TSHZ2: variants seen among roughly 807,000 people sequenced by gnomAD.
TSHZ2 encodes the protein teashirt zinc finger homeobox 2, also known as teashirt homolog 2.
Under a neutral mutation model 74.4 loss-of-function variants are expected in TSHZ2, and 21 were observed. The ratio of observed to expected loss-of-function variants is 0.28; its 90% CI spans 0.20 to 0.41. The LOEUF is 0.41. Ranked by LOEUF, TSHZ2 falls within the 10% of genes least tolerant of loss-of-function variation. TSHZ2 has a pLI of 1.00. For missense variants in TSHZ2, 1,244 were observed against 1,293.5 expected (o/e 0.96, Z 0.59); for synonymous variants, 540 against 515.3 (o/e 1.05, Z -0.65).
intron 1 of TSHZ2, among the ~76,000 whole-genome samples, chr20:53,033,585 C>T (rs950151152): frequency 1.3e-5 from 2 of 148,410 alleles, no homozygotes; most frequent in African/African-American, 2.5e-5. Context: ...ATAGAAGGTG[C>T]TCAATAATTG....
intron 2 of TSHZ2, among the ~76,000 whole-genome samples, chr20:53,390,502 C>G (rs776327795): frequency 1.3e-5 from 2 of 152,198 alleles, no homozygotes; most frequent in African/African-American, 2.4e-5. Context: ...ACTATTATTA[C>G]AACAAACAAT....
At chr20:53,118,084 T>A (rs1986717239) in intron 1 of TSHZ2, among the ~76,000 whole-genome samples, 1 of 152,190 alleles carries the variant, frequency 6.6e-6, no homozygotes, top group Admixed American at 6.5e-5. Context: ...CACTGTTTGA[T>A]CGGCATGCTT....
At chr20:53,458,112 T>G (rs919268576) in intron 2 of TSHZ2, among the ~76,000 whole-genome samples, 2 of 151,944 alleles carry the variant, frequency 1.3e-5, no homozygotes, top group African/African-American at 4.8e-5. Flanking sequence ...TTCTATTGAT[T>G]GGAATAGTTT....
At chr20:53,143,677 G>A (rs891122155) in intron 1 of TSHZ2, among the ~76,000 whole-genome samples, 11 of 152,094 alleles carry the variant, frequency 7.2e-5, no homozygotes, top group Non-Finnish European at 1.0e-4. Flanking sequence ...GGGCAACAGA[G>A]CAAGACTCCG....
intron 1 of TSHZ2, among the ~76,000 whole-genome samples, chr20:53,008,836 A>G (rs28579761): frequency 0.036 from 5,495 of 152,254 alleles, 306 homozygotes; most frequent in African/African-American, 0.12. Flanking sequence ...ACCAAGTCTT[A>G]TACATATTAT....
intron 1 of TSHZ2, among the ~76,000 whole-genome samples, chr20:53,136,420 C>A (rs1318831773): frequency 6.6e-6 from 1 of 150,868 alleles, no homozygotes; most frequent in East Asian, 1.9e-4. Flanking sequence ...TTTGAGCTTA[C>A]ATGGCAGATG....
chr20:53,295,111 A>C (rs1335169254), intron 2 of TSHZ2, among the ~76,000 whole-genome samples: 1 of 152,164 alleles, frequency 6.6e-6, no homozygotes, highest in Non-Finnish European at 1.5e-5. Flanking sequence ...TCCATTTACA[A>C]ACAGAAATGT....
chr20:53,178,939 A>G (rs1044846629), intron 1 of TSHZ2: 1 of 152,222 alleles, frequency 6.6e-6, no homozygotes, highest in Non-Finnish European at 1.5e-5. Context: ...AAGTTTTCAT[A>G]AGCACTTTGC....
chr20:53,240,836 C>G (rs1174055169), intron 1 of TSHZ2, among the ~76,000 whole-genome samples: 5 of 151,742 alleles, frequency 3.3e-5, no homozygotes, highest in Non-Finnish European at 5.9e-5. Context: ...AAACTAACAT[C>G]AGAATAATTA....
At chr20:53,020,566 C>T (rs535672800) in intron 1 of TSHZ2, among the ~76,000 whole-genome samples, 86 of 152,284 alleles carry the variant, frequency 5.6e-4, no homozygotes, top group African/African-American at 2.0e-3. Context: ...GGTCTTGGCT[C>T]TTGAAATACT....
chr20:53,118,797 A>G (rs938625175), intron 1 of TSHZ2, among the ~76,000 whole-genome samples: 1 of 152,144 alleles, frequency 6.6e-6, no homozygotes, highest in African/African-American at 2.4e-5. Flanking sequence ...CCATTCTCAC[A>G]TTGCTTTAAA....
At chr20:53,096,915 CAAAA>C (rs1301956911) in intron 1 of TSHZ2, among the ~76,000 whole-genome samples, 2 of 148,390 alleles carry the variant, frequency 1.3e-5, no homozygotes, top group African/African-American at 4.9e-5. Context: ...CCAAAAAAAA[CAAAA>C]AACAAAACAA....
intron 1 of TSHZ2, among the ~76,000 whole-genome samples, chr20:53,146,222 TCAG>T (rs1987536514): frequency 6.7e-6 from 1 of 149,698 alleles, no homozygotes; most frequent in Admixed American, 6.8e-5. Flanking sequence ...ACTCAAATCA[TCAG>T]TGAATGCAGT....
At chr20:53,381,852 C>G (rs950862255) in intron 2 of TSHZ2, among the ~76,000 whole-genome samples, 3 of 152,204 alleles carry the variant, frequency 2.0e-5, no homozygotes, top group Non-Finnish European at 4.4e-5. Flanking sequence ...AGAGATGTCC[C>G]CATTCCCAAA....
intron 1 of TSHZ2, among the ~76,000 whole-genome samples, chr20:52,980,160 A>G (rs1981508578): frequency 6.6e-6 from 1 of 152,250 alleles, no homozygotes; most frequent in African/African-American, 2.4e-5. Context: ...AACCTCAAGG[A>G]TCTTCGTAAG....
At chr20:53,044,129 A>T (rs1238689209) in intron 1 of TSHZ2, among the ~76,000 whole-genome samples, 4 of 152,200 alleles carry the variant, frequency 2.6e-5, no homozygotes, top group Non-Finnish European at 5.9e-5. Context: ...GAACAGAAGT[A>T]TTTCTGATTT....
chr20:53,367,696 G>A (rs549588101), intron 2 of TSHZ2, among the ~76,000 whole-genome samples: 5 of 151,850 alleles, frequency 3.3e-5, no homozygotes, highest in East Asian at 3.9e-4. Flanking sequence ...TCAGCCTCCC[G>A]AGGAGCTGGG....
intron 2 of TSHZ2, among the ~76,000 whole-genome samples, chr20:53,470,257 A>C (rs1276863895): frequency 6.6e-6 from 1 of 152,238 alleles, no homozygotes; most frequent in African/African-American, 2.4e-5. Flanking sequence ...TATTCAATAT[A>C]TTTAAGCAAT....
chr20:53,274,247 C>T lies in TSHZ2; in HGVS notation c.*8+17676C>T, dbSNP rs373114572. On this transcript the variant is annotated intron_variant, in intron 2 of 2. Coordinates refer to ENST00000371497, the MANE Select transcript of TSHZ2 (RefSeq NM_173485.6). ...ATCGCACCGCTGCGCTCCAGCCTGG[C>T]GACAGAGTGAGACTCCATCTCAAAA... is the stretch of plus-strand genomic sequence containing the variant. 4.1e-4 allele frequency among the ~76,000 whole-genome samples: 62 copies of T among 152,254 alleles called. 1 individual carries two copies. Among genetic ancestry groups the T allele is most frequent in the African/African-American group, 6.7e-4 (28 of 41,550 alleles).
Sources: gnomAD v4.1 joint callset for allele counts (sites outside exome capture counted in the v4.1 genomes callset) on GRCh38, gnomAD v4.1.1 for gene constraint, MANE v1.5 for transcripts, NCBI Gene and HGNC (gene_info 2026-07-23, HGNC 2026-07-21) for gene names.